Variants in RAD18 observed in about 807,000 individuals in gnomAD.
The protein encoded by RAD18 is RAD18 E3 ubiquitin protein ligase.
In RAD18, 47 loss-of-function variants were observed where a neutral mutation model predicts 60.4. That is an observed-to-expected ratio of 0.78 (90% CI 0.62 to 0.99). The LOEUF (loss-of-function observed/expected upper bound fraction) is 0.99, where lower values mean the gene tolerates loss of function less well. Among genes scored for constraint, RAD18 ranks in the 50% least tolerant of loss-of-function variants. The probability of loss-of-function intolerance (pLI) is 0.00; values close to 1 mark genes in which losing one functional copy is unlikely to be tolerated. For missense variants in RAD18, 640 were observed against 593.3 expected (o/e 1.08, Z -0.82); for synonymous variants, 225 against 195.5 (o/e 1.15, Z -1.26).
At chr3:8,912,161 A>T (rs886174795) in intron 9 of RAD18, 151 bp downstream of exon 9, 41 of 610,496 alleles carry the variant, frequency 6.7e-5, no homozygotes, top group Non-Finnish European at 9.0e-5. Flanking sequence ...AAAAGTCACT[A>T]AGTAAACACC....
At chr3:8,906,986 G>A (rs960975653) in intron 9 of RAD18, among the ~76,000 whole-genome samples, 2 of 152,062 alleles carry the variant, frequency 1.3e-5, no homozygotes, top group East Asian at 3.9e-4. Flanking sequence ...ATTTCACTGT[G>A]GTCAGAGAAC....
intron 11 of RAD18, among the ~76,000 whole-genome samples, chr3:8,895,412 C>A (rs1004895825): frequency 6.6e-6 from 1 of 152,196 alleles, no homozygotes; most frequent in African/African-American, 2.4e-5. Context: ...TATTGTTCCA[C>A]TAGTTTGATG....
At chr3:8,947,868 C>T (rs1348492022) in intron 3 of RAD18, among the ~76,000 whole-genome samples, 3 of 152,162 alleles carry the variant, frequency 2.0e-5, no homozygotes, top group East Asian at 3.8e-4. Flanking sequence ...AGAAATAGTT[C>T]GAAATGTTCA....
intron 7 of RAD18, among the ~76,000 whole-genome samples, chr3:8,934,448 G>A (rs1016572798): frequency 1.3e-5 from 2 of 152,104 alleles, no homozygotes; most frequent in Non-Finnish European, 2.9e-5. Context: ...GATTTAAACA[G>A]GTATTTCACT....
At chr3:8,912,096 G>T (rs546323884) in intron 9 of RAD18, among the ~76,000 whole-genome samples, 1 of 152,190 alleles carries the variant, frequency 6.6e-6, no homozygotes, top group Admixed American at 6.5e-5. Context: ...TTAGTGATAA[G>T]CTCAAAGTAG....
rs985252235 is a variant in RAD18 at position 8,880,510 on chromosome 3, C to G, written c.*847G>C. On this transcript the variant is annotated 3_prime_UTR_variant, in exon 13 of 13. Coordinates refer to ENST00000264926, the MANE Select transcript of RAD18 (RefSeq NM_020165.4). ...TCTGACCAATCCATTTCAATGATTTCTAACCCATACTCAACTATCCAGAGG... is the reference window on the plus strand; with the variant it reads ...TCTGACCAATCCATTTCAATGATTTGTAACCCATACTCAACTATCCAGAGG... 6.6e-6 allele frequency: 1 copy of G among 152,126 alleles called. No homozygotes were observed. Among genetic ancestry groups the G allele is most frequent in the African/African-American group, 2.4e-5 (1 of 41,422 alleles). 9.4% of individuals were successfully genotyped at this position (152,126 alleles called of 1,614,324 possible).
chr3:8,932,917 G>A (rs1330385513), intron 7 of RAD18, among the ~76,000 whole-genome samples: 2 of 152,032 alleles, frequency 1.3e-5, no homozygotes, highest in Non-Finnish European at 2.9e-5. Context: ...CCAATATGGT[G>A]AAACCCCATC....
In RAD18 at chr3:8,947,300, A is replaced by G. The variant is rs757937098; in HGVS notation, c.196-10T>C. 1.3e-6 allele frequency: 2 copies of G among 1,590,160 alleles called. No individual in the cohort carries two copies. The highest frequency in any genetic ancestry group is 1.7e-6 in the Non-Finnish European group (2 of 1,160,246). ...CCGGCTCTGTGACAGTCTAGAAAAAACAAACAACAGATGGAAAAAGGTCAA... is the reference window on the plus strand; with the variant it reads ...CCGGCTCTGTGACAGTCTAGAAAAAGCAAACAACAGATGGAAAAAGGTCAA... On this transcript the variant is annotated splice_polypyrimidine_tract_variant and intron_variant, in intron 3 of 12. Transcript: ENST00000264926.
In RAD18 at chr3:8,941,739, T is replaced by C. The variant is rs560249907; in HGVS notation, c.332A>G (p.Asn111Ser). Reference protein sequence around the residue: ...AKSPASSSSKNLAVKVYTPVA... With the variant: ...AKSPASSSSKSLAVKVYTPVA... ...AGGAGTATATACTTTGACAGCAAGA[T>C]TCTTTGAAGAGGAAGAAGCAGGAGA... The change falls in exon 5 of 13, where the codon AAT becomes AGT. Residue 111 changes from asparagine (N) to serine (S), a missense_variant. Asn to Ser is a conservative substitution (Grantham distance 46, BLOSUM62 1). Transcript: ENST00000264926. 1.1e-5 allele frequency: 17 copies of C among 1,614,124 alleles called. No individual in the cohort carries two copies. The South Asian group carries it at 1.8e-4, about 17-fold the overall frequency.
chr3:8,895,371 T>C (rs1159677640), intron 11 of RAD18, among the ~76,000 whole-genome samples: 1 of 152,230 alleles, frequency 6.6e-6, no homozygotes, highest in Non-Finnish European at 1.5e-5. Context: ...ATCATTGACT[T>C]ACAGTAAGAT....
chr3:8,940,288 A>C (rs894119368), intron 5 of RAD18, among the ~76,000 whole-genome samples: 2 of 152,166 alleles, frequency 1.3e-5, no homozygotes, highest in East Asian at 1.9e-4. Flanking sequence ...GGAACAGAAC[A>C]ATCTGTTTTA....
chr3:8,924,680 T>C (rs1184009899), intron 7 of RAD18, among the ~76,000 whole-genome samples: 1 of 128,640 alleles, frequency 7.8e-6, no homozygotes, highest in Non-Finnish European at 1.7e-5. Context: ...CTTCAGCAAA[T>C]GTAAAAGAAC....
chr3:8,882,148 T>C (rs1939475830), intron 12 of RAD18, among the ~76,000 whole-genome samples: 1 of 150,180 alleles, frequency 6.7e-6, no homozygotes, highest in Non-Finnish European at 1.5e-5. Flanking sequence ...AGTCAAGTCC[T>C]GCCTGCTCTC....
At chr3:8,931,704 G>A (rs1940555711) in intron 7 of RAD18, 1 of 152,204 alleles carries the variant, frequency 6.6e-6, no homozygotes, top group Non-Finnish European at 1.5e-5. Context: ...GAACAATTTT[G>A]AGAACACAGT....
At chr3:8,925,490 G>A (rs549122146) in intron 7 of RAD18, among the ~76,000 whole-genome samples, 90 of 152,248 alleles carry the variant, frequency 5.9e-4, no homozygotes, top group African/African-American at 2.1e-3. Flanking sequence ...GTACAAGGAG[G>A]AGCTGGTACC....
chr3:8,948,684 T>C, intron 2 of RAD18, 114 bp from the exon 3 acceptor site: 1 of 822,654 alleles, frequency 1.2e-6, no homozygotes, highest in Non-Finnish European at 1.9e-6. Context: ...AGGTATATCA[T>C]CATAAGCTTA....
At chr3:8,883,096 G>A (rs986805772) in intron 12 of RAD18, among the ~76,000 whole-genome samples, 3 of 152,214 alleles carry the variant, frequency 2.0e-5, no homozygotes, top group Non-Finnish European at 4.4e-5. Context: ...AGAGAAAAAG[G>A]AGTATGTGAG....
At chr3:8,960,810 C>G (rs1403405605) in intron 1 of RAD18, among the ~76,000 whole-genome samples, 5 of 152,178 alleles carry the variant, frequency 3.3e-5, no homozygotes, top group Non-Finnish European at 1.5e-5. Context: ...ATGTTAAACA[C>G]TGGTTCTCTG....
rs139471433 is a variant in RAD18, at chr3:8,904,539, T to C, written c.1028-2019A>G. Among the ~76,000 whole-genome samples the C allele has an allele frequency of 3.7e-3, 561 of 152,306 alleles. 2 individuals carry two copies. Among genetic ancestry groups the C allele is most frequent in the African/African-American group, 0.013 (525 of 41,568 alleles). ...CCAATTAAAGTGTCAGCAAAAGAAA[T>C]ATATGCTGGCCGTAAAGATCACTGG... On this transcript the variant is annotated intron_variant, in intron 9 of 12. Coordinates refer to ENST00000264926, the MANE Select transcript of RAD18 (RefSeq NM_020165.4).
Sources: allele counts gnomAD v4.1 joint callset (sites outside exome capture counted in the v4.1 genomes callset), GRCh38; gene constraint gnomAD v4.1.1; transcripts MANE v1.5; gene names NCBI Gene and HGNC (gene_info 2026-07-23, HGNC 2026-07-21).